The following HDDC2 variants were observed in gnomAD, a reference collection of about 807,000 sequenced individuals.
The protein encoded by HDDC2 is HD domain containing 2.
A neutral mutation model predicts 25.5 loss-of-function variants in HDDC2; 25 were observed. That is an observed-to-expected ratio of 0.98 (90% CI 0.72 to 1.37). HDDC2 has a LOEUF of 1.37. Among genes scored for constraint, HDDC2 ranks in the 40% most tolerant of loss-of-function variants. HDDC2 has a pLI of 0.00. For missense variants in HDDC2, 264 were observed against 253.1 expected, an observed-to-expected ratio of 1.04 and a Z score of -0.29; for synonymous variants, 106 against 89.7, an observed-to-expected ratio of 1.18 and a Z score of -1.03.
chr6:125,301,135 T>G (rs1056975914), intron 1 of HDDC2, among the ~76,000 whole-genome samples: 5 of 152,180 alleles, frequency 3.3e-5, no homozygotes, highest in African/African-American at 9.7e-5. Flanking sequence ...CTCTTCCTTT[T>G]ATTCACATCA....
intron 3 of HDDC2, among the ~76,000 whole-genome samples, chr6:125,293,538 T>C (rs1050953830): frequency 3.9e-5 from 6 of 152,188 alleles, no homozygotes; most frequent in African/African-American, 1.4e-4. Context: ...AACCCTTCAA[T>C]AGCATCATGG....
intron 4 of HDDC2, chr6:125,277,484 T>C (rs1325758390): frequency 2.4e-6 from 1 of 424,990 alleles, no homozygotes; most frequent in African/African-American, 2.0e-5. Context: ...CATGGAAATC[T>C]TGTATGTTCA....
chr6:125,277,611 G>A (rs778566551), intron 4 of HDDC2: 19 of 169,344 alleles, frequency 1.1e-4, no homozygotes, highest in Admixed American at 2.5e-4. Flanking sequence ...CTGATATTTC[G>A]TCTTATGCCT....
chr6:125,285,285 C>T (rs1485898071), intron 4 of HDDC2, among the ~76,000 whole-genome samples: 1 of 151,524 alleles, frequency 6.6e-6, no homozygotes, highest in African/African-American at 2.4e-5. Flanking sequence ...GCACGTTCTG[C>T]ACATGTATCC....
rs535392612 is a variant in HDDC2, at chr6:125,284,873, A to G, written c.379-7633T>C. On this transcript the variant is annotated intron_variant, in intron 4 of 5. Transcript: ENST00000398153. The stretch of plus-strand genomic sequence containing the variant: ...TAAAGACACATGCACACGTATGTTT[A>G]ATGGGGCACTATTCACTATAGCAAA... 3.9e-5 allele frequency among the ~76,000 whole-genome samples: 6 copies of G among 152,344 alleles called. No homozygotes were observed. The South Asian group carries it at 1.2e-3, about 32-fold the overall frequency.
chr6:125,300,703 T>C (rs1562452381), intron 1 of HDDC2, 44 bp from the exon 2 acceptor site: 4 of 1,586,064 alleles, frequency 2.5e-6, no homozygotes, highest in Non-Finnish European at 3.4e-6. Context: ...AGAACAAATA[T>C]TAACTATCTG....
Position 125,300,596 on chromosome 6 carries a change from T to C in HDDC2, c.148A>G (p.Met50Val). The C allele has an allele frequency of 1.2e-6, 2 of 1,614,176 alleles. No homozygotes were observed. The highest frequency in any genetic ancestry group is 1.7e-6 in the Non-Finnish European group (2 of 1,180,018). Residue 50 changes from methionine to valine, a missense_variant, in exon 2 of 6, where the codon ATG (methionine) becomes GTG (valine). Physicochemically the swap from Met to Val is conservative, Grantham distance 21. Coordinates refer to ENST00000398153, the MANE Select transcript of HDDC2 (RefSeq NM_016063.3). ...VQRPESVSDH[M>V]YRMAVMAMVI... The stretch of plus-strand genomic sequence containing the variant: ...ATAGCCATAACTGCCATCCGGTACA[T>C]GTGATCTGAAACGCTCTCCGGCCTC...
rs1798746666 is a variant in HDDC2, at chr6:125,298,724, C to T, written c.299G>A (p.Arg100Lys). The change falls in exon 3 of 6, where the codon AGG becomes AAG. Residue 100 changes from arginine (R) to lysine (K), a missense_variant. By Grantham distance (26) the Arg-to-Lys change is conservative. Coordinates refer to ENST00000398153, the MANE Select transcript of HDDC2 (RefSeq NM_016063.3). ...ATAGTCAACACTGACCTCTTCTCGC[C>T]TATGTTTTTCTTCTTTGGGGATGTT... Reference protein sequence around the residue: ...ADNIPKEEKHRREEEAMKQIT... With the variant: ...ADNIPKEEKHKREEEAMKQIT... The T allele has an allele frequency of 6.2e-7, 1 of 1,613,676 alleles. No individual in the cohort carries two copies. The highest frequency in any genetic ancestry group is 1.7e-4 in the Middle Eastern group (1 of 6,060).
chr6:125,288,374 C>A (rs1798575670), intron 4 of HDDC2, among the ~76,000 whole-genome samples: 1 of 152,090 alleles, frequency 6.6e-6, no homozygotes, highest in African/African-American at 2.4e-5. Context: ...CGGCTGTGAC[C>A]CCAGTCCCCA....
intron 4 of HDDC2, among the ~76,000 whole-genome samples, chr6:125,288,508 G>C (rs960730971): frequency 1.3e-5 from 2 of 152,144 alleles, no homozygotes; most frequent in Non-Finnish European, 1.5e-5. Context: ...TCAAATTCTA[G>C]GTCCTGAAAA....
At chr6:125,279,859 A>T (rs1355232573) in intron 4 of HDDC2, among the ~76,000 whole-genome samples, 2 of 152,252 alleles carry the variant, frequency 1.3e-5, no homozygotes, top group African/African-American at 4.8e-5. Context: ...TATCAAAAAG[A>T]TAATTACATT....
intron 4 of HDDC2, among the ~76,000 whole-genome samples, chr6:125,290,310 T>C: frequency 6.6e-6 from 1 of 152,142 alleles, no homozygotes. Flanking sequence ...ATTTTACAGA[T>C]GAGGAAATTG....
chr6:125,293,832 T>C (rs545041150), intron 3 of HDDC2, among the ~76,000 whole-genome samples: 1 of 152,268 alleles, frequency 6.6e-6, no homozygotes, highest in Admixed American at 6.5e-5. Flanking sequence ...TCAGGGGCCA[T>C]CTGCATTTGT....
In HDDC2 at chr6:125,301,657, G is replaced by A. The variant is rs1271237093; in HGVS notation, c.84+192C>T. On this transcript the variant is annotated intron_variant, in intron 1 of 5. Coordinates refer to ENST00000398153, the MANE Select transcript of HDDC2 (RefSeq NM_016063.3). Reference sequence around the variant, plus strand: ...CCGCCCCAGCTGGCCAGCCTGTCCCGCCGGCTGCTTCCTCCGTCCACCGTC... The same window carrying A: ...CCGCCCCAGCTGGCCAGCCTGTCCCACCGGCTGCTTCCTCCGTCCACCGTC... 2.0e-5 allele frequency among the ~76,000 whole-genome samples: 3 copies of A among 152,126 alleles called. No homozygotes were observed. In the East Asian group the frequency reaches 5.8e-4, roughly 29 times the overall value.
chr6:125,282,748 T>C (rs1798477030), intron 4 of HDDC2, among the ~76,000 whole-genome samples: 1 of 152,134 alleles, frequency 6.6e-6, no homozygotes, highest in Non-Finnish European at 1.5e-5. Context: ...GACCCATTAG[T>C]GTGCTATATT....
chr6:125,300,506 T>C, intron 2 of HDDC2, 32 bp downstream of exon 2: 2 of 1,607,744 alleles, frequency 1.2e-6, no homozygotes, highest in East Asian at 2.2e-5. Flanking sequence ...GACCAGAATC[T>C]CTCACGAGCA....
intron 3 of HDDC2, among the ~76,000 whole-genome samples, chr6:125,294,842 G>A (rs765726023): frequency 6.6e-6 from 1 of 152,028 alleles, no homozygotes; most frequent in Non-Finnish European, 1.5e-5. Flanking sequence ...TGGCTTTTTG[G>A]TGATCACATC....
At chr6:125,300,759 G>T in intron 1 of HDDC2, 100 bp from the exon 2 acceptor site, 2 of 1,212,412 alleles carry the variant, frequency 1.6e-6, no homozygotes, top group Non-Finnish European at 2.3e-6. Context: ...CAGAAGCCGG[G>T]TCATAATTTC....
intron 1 of HDDC2, 98 bp from the exon 2 acceptor site, chr6:125,300,757 G>A (rs563692731): frequency 6.6e-6 from 8 of 1,219,148 alleles, no homozygotes; most frequent in East Asian, 2.4e-5. Context: ...CACAGAAGCC[G>A]GGTCATAATT....
Sources: allele counts gnomAD v4.1 joint callset (sites outside exome capture counted in the v4.1 genomes callset), GRCh38; gene constraint gnomAD v4.1.1; transcripts MANE v1.5; gene names NCBI Gene and HGNC (gene_info 2026-07-23, HGNC 2026-07-21).